Variants in NKAIN2 observed in about 807,000 individuals in gnomAD.
NKAIN2 encodes the protein sodium/potassium transporting ATPase interacting 2.
A neutral mutation model predicts 32.6 loss-of-function variants in NKAIN2; 14 were observed. That is an observed-to-expected ratio of 0.43 (90% CI 0.28 to 0.67). The LOEUF (loss-of-function observed/expected upper bound fraction) is 0.67, where lower values mean the gene tolerates loss of function less well. Ranked by LOEUF, NKAIN2 falls within the 30% of genes least tolerant of loss-of-function variation. The pLI is 0.17. For synonymous variants in NKAIN2, 80 were observed against 87.2 expected, an observed-to-expected ratio of 0.92 and a Z score of 0.46; for missense variants, 198 against 258.3, an observed-to-expected ratio of 0.77 and a Z score of 1.60.
chr6:123,997,760 C>A (rs563239713), intron 1 of NKAIN2, among the ~76,000 whole-genome samples: 1 of 151,664 alleles, frequency 6.6e-6, no homozygotes, highest in African/African-American at 2.4e-5. Context: ...CCTGCCACCA[C>A]GCCCGGCTAA....
At chr6:123,908,990 A>G (rs931209418) in intron 1 of NKAIN2, among the ~76,000 whole-genome samples, 5 of 152,132 alleles carry the variant, frequency 3.3e-5, no homozygotes, top group Middle Eastern at 3.2e-3. Context: ...TACAGAAACT[A>G]TGTCAGAAAT....
intron 3 of NKAIN2, among the ~76,000 whole-genome samples, chr6:124,625,384 G>A (rs1562291196): frequency 2.0e-5 from 3 of 152,136 alleles, no homozygotes; most frequent in Non-Finnish European, 4.4e-5. Context: ...ACCCAGAGGA[G>A]ATGCCGCTCT....
chr6:124,715,140 C>A (rs1775690737), intron 4 of NKAIN2, among the ~76,000 whole-genome samples: 1 of 152,186 alleles, frequency 6.6e-6, no homozygotes, highest in Non-Finnish European at 1.5e-5. Flanking sequence ...AGAATACAGA[C>A]ATTTTCTCCA....
At chr6:124,028,382 A>G (rs947717787) in intron 1 of NKAIN2, among the ~76,000 whole-genome samples, 3 of 107,446 alleles carry the variant, frequency 2.8e-5, no homozygotes, top group Admixed American at 2.4e-4. Flanking sequence ...GCTATTAAGT[A>G]GGGCCACTTG....
chr6:124,013,949 C>A lies in NKAIN2; in HGVS notation c.54+209695C>A, dbSNP rs555512579. On this transcript the variant is annotated intron_variant, in intron 1 of 6. Transcript: ENST00000368417. Reference sequence around the variant, plus strand: ...TCTCCAGAAAGGAATGCAACGGTACCAGCACCTAGGTTTTAGTCTAGGGGT... The same window carrying A: ...TCTCCAGAAAGGAATGCAACGGTACAAGCACCTAGGTTTTAGTCTAGGGGT... Among the ~76,000 whole-genome samples the A allele has an allele frequency of 1.2e-3, 187 of 152,256 alleles. 1 individual carries two copies. Among genetic ancestry groups the A allele is most frequent in the African/African-American group, 4.4e-3 (182 of 41,546 alleles).
chr6:124,722,141 A>G (rs1464583318), intron 4 of NKAIN2, among the ~76,000 whole-genome samples: 1 of 152,216 alleles, frequency 6.6e-6, no homozygotes, highest in South Asian at 2.1e-4. Flanking sequence ...ATGTTGTAGC[A>G]TGTGTCAGAA....
At chr6:124,228,475 C>A (rs879787652) in intron 1 of NKAIN2, among the ~76,000 whole-genome samples, 3 of 152,162 alleles carry the variant, frequency 2.0e-5, no homozygotes, top group Non-Finnish European at 2.9e-5. Context: ...TTTGTTATAG[C>A]AGCCCAAACT....
chr6:124,721,647 G>T (rs924078707), intron 4 of NKAIN2, among the ~76,000 whole-genome samples: 2 of 152,002 alleles, frequency 1.3e-5, no homozygotes, highest in Non-Finnish European at 1.5e-5. Flanking sequence ...TCTCTTTCAA[G>T]TCATTCCAAG....
intron 1 of NKAIN2, among the ~76,000 whole-genome samples, chr6:124,095,947 A>C (rs1240603435): frequency 6.6e-6 from 1 of 152,206 alleles, no homozygotes. Flanking sequence ...CTGGGCCCAG[A>C]GATCTCTTTG....
chr6:124,385,278 G>A (rs1188914999), intron 3 of NKAIN2, among the ~76,000 whole-genome samples: 2 of 152,210 alleles, frequency 1.3e-5, no homozygotes, highest in African/African-American at 4.8e-5. Flanking sequence ...GGAGATGGAC[G>A]AGGTGCCTTG....
intron 3 of NKAIN2, among the ~76,000 whole-genome samples, chr6:124,373,308 T>A (rs1249246015): frequency 1.3e-5 from 2 of 152,126 alleles, no homozygotes; most frequent in Non-Finnish European, 2.9e-5. Flanking sequence ...TTTCCCTTTG[T>A]TGACATGAGA....
chr6:124,220,704 A>G (rs868752052), intron 1 of NKAIN2, among the ~76,000 whole-genome samples: 6 of 151,852 alleles, frequency 4.0e-5, no homozygotes, highest in African/African-American at 1.4e-4. Flanking sequence ...TATATAAATT[A>G]TACTAATATA....
At chr6:124,487,563 G>GTTGGACTT (rs1777700272) in intron 3 of NKAIN2, among the ~76,000 whole-genome samples, 1 of 152,140 alleles carries the variant, frequency 6.6e-6, no homozygotes, top group Admixed American at 6.6e-5. Context: ...CATTTGAATA[G>GTTGGACTT]TTGGACTGCC....
chr6:124,463,654 C>T (rs530769524), intron 3 of NKAIN2, among the ~76,000 whole-genome samples: 11 of 152,186 alleles, frequency 7.2e-5, no homozygotes, highest in South Asian at 2.1e-4. Flanking sequence ...GCTATCTCAT[C>T]GTACCTTTCT....
At chr6:124,733,196 G>A (rs1053702360) in intron 4 of NKAIN2, among the ~76,000 whole-genome samples, 1 of 151,898 alleles carries the variant, frequency 6.6e-6, no homozygotes, top group African/African-American at 2.4e-5. Context: ...TACAGGGGAT[G>A]TTTTAGGGTG....
At chr6:124,152,927 A>G (rs546867675) in intron 1 of NKAIN2, among the ~76,000 whole-genome samples, 1 of 152,108 alleles carries the variant, frequency 6.6e-6, no homozygotes, top group Admixed American at 6.6e-5. Flanking sequence ...ATATGTTCTC[A>G]CATGTAAATG....
chr6:123,883,640 TTA>T (rs141521612), intron 1 of NKAIN2, among the ~76,000 whole-genome samples: 51,964 of 148,198 alleles, frequency 0.35, 9,586 homozygotes, highest in East Asian at 0.49. Flanking sequence ...AACCTCTTTT[TTA>T]AAAAAAAATT....
chr6:124,454,078 A>T (rs1165337415), intron 3 of NKAIN2, among the ~76,000 whole-genome samples: 1 of 118,892 alleles, frequency 8.4e-6, no homozygotes, highest in East Asian at 2.6e-4. Context: ...TGAAATACTT[A>T]GTTCTTTAAT....
intron 3 of NKAIN2, among the ~76,000 whole-genome samples, chr6:124,619,630 G>A (rs904703197): frequency 4.6e-5 from 7 of 152,114 alleles, no homozygotes; most frequent in African/African-American, 1.7e-4. Context: ...CACTACTCTG[G>A]TGATGACAGC....
Sources: gnomAD v4.1 joint callset for allele counts (sites outside exome capture counted in the v4.1 genomes callset) on GRCh38, gnomAD v4.1.1 for gene constraint, MANE v1.5 for transcripts, NCBI Gene and HGNC (gene_info 2026-07-23, HGNC 2026-07-21) for gene names.